HECW1: variants seen among roughly 807,000 people sequenced by gnomAD.
HECW1 encodes the protein E3 ubiquitin-protein ligase HECW1.
In HECW1, 61 loss-of-function variants were observed where a neutral mutation model predicts 182.3. That is an observed-to-expected ratio of 0.33 (90% CI 0.27 to 0.41). The LOEUF (loss-of-function observed/expected upper bound fraction) is 0.41, where lower values mean the gene tolerates loss of function less well. Ranked by LOEUF, HECW1 falls within the 10% of genes least tolerant of loss-of-function variation. The pLI is 1.00. For synonymous variants in HECW1, 859 were observed against 832.6 expected (o/e 1.03, Z -0.55); for missense variants, 1,739 against 2,108.9 (o/e 0.82, Z 3.44).
At chr7:43,230,299 C>A (rs906077923) in intron 2 of HECW1, among the ~76,000 whole-genome samples, 3 of 152,156 alleles carry the variant, frequency 2.0e-5, no homozygotes. Context: ...GAGGCTGAGG[C>A]CAGAGAATCA....
chr7:43,330,226 T>A (rs989185559), intron 5 of HECW1, among the ~76,000 whole-genome samples: 12 of 152,120 alleles, frequency 7.9e-5, no homozygotes, highest in African/African-American at 2.9e-4. Context: ...TTCCACTTCC[T>A]CCCTCCTGGG....
At chr7:43,551,473 A>G (rs1415229432) in intron 27 of HECW1, among the ~76,000 whole-genome samples, 1 of 152,244 alleles carries the variant, frequency 6.6e-6, no homozygotes, top group Non-Finnish European at 1.5e-5. Context: ...GAAATAAGTC[A>G]TAATTGCATG....
At chr7:43,352,731 A>C (rs923136337) in intron 5 of HECW1, among the ~76,000 whole-genome samples, 1 of 152,230 alleles carries the variant, frequency 6.6e-6, no homozygotes, top group Admixed American at 6.5e-5. Flanking sequence ...GAAGGCTAAT[A>C]ATGATTGGCT....
chr7:43,259,734 A>C (rs1455390328), intron 3 of HECW1, among the ~76,000 whole-genome samples: 2 of 152,222 alleles, frequency 1.3e-5, no homozygotes, highest in Non-Finnish European at 2.9e-5. Flanking sequence ...AAGATTAGTG[A>C]ACTTAAAGAA....
At position 43,387,549 on chromosome 7, in the gene HECW1, C is replaced by G. The variant is rs200368928; in HGVS notation, c.556-9265C>G. ...CAGACTTGTAGACATGCAGAAAATG[C>G]TAACAGCAGCAAGACATTTACATAG... On this transcript the variant is annotated intron_variant, in intron 6 of 29. Coordinates refer to ENST00000395891, the MANE Select transcript of HECW1 (RefSeq NM_015052.5). Among the ~76,000 whole-genome samples, 54 of 152,306 alleles carry G rather than the reference C, an allele frequency of 3.5e-4. 1 individual carries two copies. Among genetic ancestry groups the G allele is most frequent in the East Asian group, 1.7e-3 (9 of 5,190 alleles).
intron 26 of HECW1, among the ~76,000 whole-genome samples, 184 bp downstream of exon 26, chr7:43,542,182 C>A (rs986120910): frequency 1.3e-5 from 2 of 152,144 alleles, no homozygotes; most frequent in Non-Finnish European, 2.9e-5. Flanking sequence ...ACCCATTAAA[C>A]AATAACTTTC....
At chr7:43,278,342 T>C (rs1803437258) in intron 3 of HECW1, among the ~76,000 whole-genome samples, 1 of 152,002 alleles carries the variant, frequency 6.6e-6, no homozygotes, top group African/African-American at 2.4e-5. Context: ...CATCCAAACC[T>C]CTAGCCTCAA....
At chr7:43,459,736 C>T (rs769319526) in intron 13 of HECW1, among the ~76,000 whole-genome samples, 2 of 152,180 alleles carry the variant, frequency 1.3e-5, no homozygotes, top group Non-Finnish European at 2.9e-5. Flanking sequence ...GAAGGTCTCA[C>T]CATGTTGGCC....
intron 2 of HECW1, among the ~76,000 whole-genome samples, chr7:43,183,329 G>T (rs1793051326): frequency 6.6e-6 from 1 of 152,092 alleles, no homozygotes; most frequent in South Asian, 2.1e-4. Flanking sequence ...ATAGATACCT[G>T]GTTTTCCTCC....
intron 9 of HECW1, 22 bp downstream of exon 9, chr7:43,438,167 T>G: frequency 6.2e-7 from 1 of 1,605,696 alleles, no homozygotes; most frequent in Non-Finnish European, 8.5e-7. Flanking sequence ...ACTGAGATCT[T>G]ACTATCACTA....
chr7:43,293,744 T>A (rs989023538), intron 3 of HECW1, among the ~76,000 whole-genome samples: 1 of 152,094 alleles, frequency 6.6e-6, no homozygotes, highest in Non-Finnish European at 1.5e-5. Flanking sequence ...TTTAGTGCAT[T>A]ATATAACCTT....
At chr7:43,440,950 C>G (rs1483869009) in intron 9 of HECW1, among the ~76,000 whole-genome samples, 4 of 152,186 alleles carry the variant, frequency 2.6e-5, no homozygotes, top group African/African-American at 9.7e-5. Flanking sequence ...CATTAAAACA[C>G]TATCAGCCAG....
chr7:43,163,677 G>A lies in HECW1; in HGVS notation c.-32+49286G>A, dbSNP rs186507946. On this transcript the variant is annotated intron_variant, in intron 2 of 29. Coordinates refer to ENST00000395891, the MANE Select transcript of HECW1 (RefSeq NM_015052.5). ...CCTGGGAAAGAGTTGCCCCAGGTTC[G>A]ATCAACTAAGCTCCCCCAAATGGCT... Among the ~76,000 whole-genome samples, 177 of 152,268 alleles carry A rather than the reference G, an allele frequency of 1.2e-3. 1 individual carries two copies. The highest frequency in any genetic ancestry group is 3.6e-3 in the African/African-American group (151 of 41,568).
chr7:43,155,296 A>G (rs754579405), intron 2 of HECW1, among the ~76,000 whole-genome samples: 10 of 152,204 alleles, frequency 6.6e-5, no homozygotes, highest in Non-Finnish European at 1.0e-4. Flanking sequence ...AAAGAAATAC[A>G]ATTCTTAAAA....
chr7:43,208,182 A>G (rs1281350838), intron 2 of HECW1, among the ~76,000 whole-genome samples: 1 of 152,126 alleles, frequency 6.6e-6, no homozygotes, highest in Non-Finnish European at 1.5e-5. Context: ...TCTTCATGTG[A>G]CATCTGAGTG....
At chr7:43,294,044 C>A (rs1338662274) in intron 3 of HECW1, among the ~76,000 whole-genome samples, 2 of 152,246 alleles carry the variant, frequency 1.3e-5, no homozygotes, top group African/African-American at 2.4e-5. Flanking sequence ...CCCCACCACA[C>A]ACACTGTCCT....
chr7:43,270,074 T>C (rs1325486619), intron 3 of HECW1, among the ~76,000 whole-genome samples: 1 of 152,238 alleles, frequency 6.6e-6, no homozygotes, highest in Non-Finnish European at 1.5e-5. Flanking sequence ...GCTCAATAAT[T>C]GTTGGATTTT....
intron 3 of HECW1, among the ~76,000 whole-genome samples, chr7:43,270,909 T>C (rs983304873): frequency 3.3e-5 from 5 of 152,168 alleles, no homozygotes; most frequent in Admixed American, 3.3e-4. Context: ...AAAAGAAGTA[T>C]GTGGAAACTC....
At chr7:43,193,068 C>T (rs769508854) in intron 2 of HECW1, among the ~76,000 whole-genome samples, 10 of 152,190 alleles carry the variant, frequency 6.6e-5, no homozygotes, top group Admixed American at 4.6e-4. Flanking sequence ...AACTGATGGT[C>T]CCTCCCCCTT....
Sources: allele counts gnomAD v4.1 joint callset (sites outside exome capture counted in the v4.1 genomes callset), GRCh38; gene constraint gnomAD v4.1.1; transcripts MANE v1.5; gene names NCBI Gene and HGNC (gene_info 2026-07-23, HGNC 2026-07-21).